Variants in DPYSL3 observed in about 807,000 individuals in gnomAD.
DPYSL3 encodes dihydropyrimidinase like 3.
A neutral mutation model predicts 66.1 loss-of-function variants in DPYSL3; 16 were observed. The observed-to-expected ratio is 0.24, with a 90% CI of 0.16 to 0.37. The LOEUF (loss-of-function observed/expected upper bound fraction) is 0.37, where lower values mean the gene tolerates loss of function less well. DPYSL3 is among the 10% of genes least tolerant of loss of function. DPYSL3 has a pLI of 1.00. For missense variants in DPYSL3, 738 were observed against 916.2 expected (o/e 0.81, Z 2.51); for synonymous variants, 338 against 345.1 (o/e 0.98, Z 0.23).
chr5:147,452,438 TACACACACACACAC>T (rs35272843), intron 1 of DPYSL3, among the ~76,000 whole-genome samples: 1 of 142,044 alleles, frequency 7.0e-6, no homozygotes, highest in African/African-American at 2.6e-5. Context: ...ATTCCCCCAC[TACACACACACACAC>T]ACACACACAC....
rs541581635 is a variant in DPYSL3, at chr5:147,436,009, G to C, written c.382-11046C>G. ...GGCAGGAGCCGTAACCTTCAGCAGA[G>C]ACATGCAGCTGCCCCACAATGACCT... On this transcript the variant is annotated intron_variant, in intron 1 of 13. Transcript: ENST00000343218. Among the ~76,000 whole-genome samples the C allele has an allele frequency of 5.3e-5, 8 of 152,290 alleles. No individual in the cohort carries two copies. In the South Asian group the frequency reaches 1.7e-3, roughly 32 times the overall value.
Position 147,453,399 on chromosome 5 carries a change from G to C in DPYSL3, c.382-28436C>G, listed in dbSNP as rs1581202858. The stretch of plus-strand genomic sequence containing the variant: ...CAGTCTGTGTGGCGCCGGCTGGACT[G>C]ACCGCCGCGCTCCGCCACCCGGACC... On this transcript the variant is annotated intron_variant, in intron 1 of 13. Transcript: ENST00000343218. 5.6e-6 allele frequency: 7 copies of C among 1,244,922 alleles called. No individual in the cohort carries two copies. The East Asian group carries it at 2.2e-4, about 39-fold the overall frequency. 77.1% of individuals were successfully genotyped at this position (1,244,922 alleles called of 1,614,324 possible).
At chr5:147,498,520 T>A (rs1403587659) in intron 1 of DPYSL3, among the ~76,000 whole-genome samples, 1 of 152,214 alleles carries the variant, frequency 6.6e-6, no homozygotes, top group Non-Finnish European at 1.5e-5. Flanking sequence ...CCACACCGTC[T>A]TCCACAATGG....
intron 1 of DPYSL3, among the ~76,000 whole-genome samples, chr5:147,427,255 T>C (rs1476332758): frequency 1.3e-5 from 2 of 152,226 alleles, no homozygotes; most frequent in East Asian, 1.9e-4. Flanking sequence ...AATAACAATG[T>C]TCTACTGTAG....
At chr5:147,397,160 ATG>A (rs1758012376) in intron 12 of DPYSL3, among the ~76,000 whole-genome samples, 2 of 46,544 alleles carry the variant, frequency 4.3e-5, no homozygotes, top group African/African-American at 2.6e-4. Context: ...GCACACATGT[ATG>A]TATCTATAGA....
At chr5:147,463,792 G>T (rs1252570496) in intron 1 of DPYSL3, among the ~76,000 whole-genome samples, 2 of 152,032 alleles carry the variant, frequency 1.3e-5, no homozygotes, top group African/African-American at 2.4e-5. Flanking sequence ...TTCCAATCTG[G>T]CACCATCCCT....
chr5:147,490,319 G>C (rs532805668), intron 1 of DPYSL3, among the ~76,000 whole-genome samples: 2 of 152,126 alleles, frequency 1.3e-5, no homozygotes, highest in East Asian at 3.9e-4. Context: ...GTGCACAAAG[G>C]TTATCTAGAA....
rs565942740 is a variant in DPYSL3, at chr5:147,496,992, A to G, written c.381+12486T>C. ...ACTATTCACAATAGCAAAGACTTGGAACCAACCTAAATGTCCAACAGCGAT... is the reference window on the plus strand; with the variant it reads ...ACTATTCACAATAGCAAAGACTTGGGACCAACCTAAATGTCCAACAGCGAT... On this transcript the variant is annotated intron_variant, in intron 1 of 13. Transcript: ENST00000343218. 2.0e-5 allele frequency among the ~76,000 whole-genome samples: 3 copies of G among 152,350 alleles called. No individual in the cohort carries two copies. The South Asian group carries it at 6.2e-4, about 32-fold the overall frequency.
chr5:147,509,369 C>A lies in DPYSL3; in HGVS notation c.381+109G>T. The A allele has an allele frequency of 2.2e-6, 3 of 1,360,298 alleles. No homozygotes were observed. The highest frequency in any genetic ancestry group is 2.9e-6 in the Non-Finnish European group (3 of 1,032,996). 84.3% of individuals were successfully genotyped at this position (1,360,298 alleles called of 1,614,324 possible). A position where few individuals can be genotyped will look rare whatever the true frequency, so the allele number is the denominator to read the frequency against. On this transcript the variant is annotated intron_variant, in intron 1 of 13. Coordinates refer to ENST00000343218, the MANE Select transcript of DPYSL3 (RefSeq NM_001197294.2). The surrounding 1 kb of genome is among the most constrained non-coding windows in gnomAD (Gnocchi z 5.3). ...AGGATGACCCTTTCCTCCTCCTTGT[C>A]CCCCAGCCCCGTGCAAAGTGAGCTG...
intron 6 of DPYSL3, among the ~76,000 whole-genome samples, chr5:147,410,837 T>C (rs929272649): frequency 6.6e-6 from 1 of 152,180 alleles, no homozygotes; most frequent in Non-Finnish European, 1.5e-5. Context: ...AAGCTGAATT[T>C]AATAAACACA....
chr5:147,500,964 T>C (rs1321732678), intron 1 of DPYSL3, among the ~76,000 whole-genome samples: 1 of 152,236 alleles, frequency 6.6e-6, no homozygotes, highest in Non-Finnish European at 1.5e-5. Flanking sequence ...CAGTGCTCCT[T>C]GGTATTTACC....
chr5:147,490,118 G>A (rs1753393642), intron 1 of DPYSL3, among the ~76,000 whole-genome samples: 2 of 151,878 alleles, frequency 1.3e-5, no homozygotes, highest in Admixed American at 6.6e-5. Flanking sequence ...TGCCTCAACT[G>A]CCTCCATCCC....
intron 1 of DPYSL3, among the ~76,000 whole-genome samples, chr5:147,493,523 A>C (rs986972188): frequency 4.6e-5 from 7 of 152,064 alleles, no homozygotes; most frequent in African/African-American, 1.7e-4. Flanking sequence ...GCTGCAAGCC[A>C]TGATCATGCT....
intron 1 of DPYSL3, chr5:147,473,051 T>C (rs1753106631): frequency 6.6e-6 from 1 of 152,236 alleles, no homozygotes; most frequent in South Asian, 2.1e-4. Flanking sequence ...TCTTTTGTTT[T>C]CTTTTTTAAA....
At chr5:147,415,659 C>A in intron 4 of DPYSL3, 50 bp downstream of exon 4, 2 of 1,589,764 alleles carry the variant, frequency 1.3e-6, no homozygotes, top group South Asian at 2.3e-5. Flanking sequence ...GTTGGAAGGA[C>A]TGGCAAGAAG....
chr5:147,433,722 A>G (rs951841545), intron 1 of DPYSL3, among the ~76,000 whole-genome samples: 13 of 152,320 alleles, frequency 8.5e-5, no homozygotes, highest in African/African-American at 3.1e-4. Flanking sequence ...TAAAGACATG[A>G]TGCAGGGTTG....
At chr5:147,425,327 C>T (rs1752175772) in intron 1 of DPYSL3, among the ~76,000 whole-genome samples, 2 of 152,178 alleles carry the variant, frequency 1.3e-5, no homozygotes. Context: ...GGCTAGTGCA[C>T]TCTCTAGTAC....
intron 1 of DPYSL3, among the ~76,000 whole-genome samples, chr5:147,430,589 G>A (rs1382015874): frequency 2.0e-5 from 3 of 151,752 alleles, no homozygotes. Context: ...AGAGAGGAAA[G>A]GGCGGGGAGA....
intron 1 of DPYSL3, among the ~76,000 whole-genome samples, chr5:147,460,545 C>G (rs1258175148): frequency 6.6e-6 from 1 of 152,054 alleles, no homozygotes. Context: ...TTCAGGCAGT[C>G]CCAGTGTAAT....
Sources: allele counts gnomAD v4.1 joint callset (sites outside exome capture counted in the v4.1 genomes callset), GRCh38; gene constraint gnomAD v4.1.1; non-coding constraint Gnocchi (gnomAD v3.1); transcripts MANE v1.5; gene names NCBI Gene and HGNC (gene_info 2026-07-23, HGNC 2026-07-21).